Variants in ARHGAP15 observed in about 807,000 individuals in gnomAD.
The protein encoded by ARHGAP15 is rho GTPase-activating protein 15.
In ARHGAP15, 51 loss-of-function variants were observed where a neutral mutation model predicts 63.7. The observed-to-expected ratio is 0.80, with a 90% CI of 0.64 to 1.01. The LOEUF is 1.01. Among genes scored for constraint, ARHGAP15 ranks in the 50% least tolerant of loss-of-function variants. The probability of loss-of-function intolerance (pLI) is 0.00; values close to 1 mark genes in which losing one functional copy is unlikely to be tolerated. For missense variants in ARHGAP15, 560 were observed against 564.6 expected, an observed-to-expected ratio of 0.99 and a Z score of 0.08; for synonymous variants, 191 against 193.8, an observed-to-expected ratio of 0.99 and a Z score of 0.12.
chr2:143,323,437 TGACTTG>T (rs1223221392), intron 6 of ARHGAP15, among the ~76,000 whole-genome samples: 4 of 152,196 alleles, frequency 2.6e-5, no homozygotes, highest in African/African-American at 9.7e-5. Flanking sequence ...ATGTGGGAAT[TGACTTG>T]GACTTGATGA....
chr2:143,334,597 G>A (rs1684692057), intron 6 of ARHGAP15, among the ~76,000 whole-genome samples: 1 of 152,112 alleles, frequency 6.6e-6, no homozygotes, highest in South Asian at 2.1e-4. Flanking sequence ...AAACTGCAGT[G>A]AAAAATAATC....
intron 8 of ARHGAP15, among the ~76,000 whole-genome samples, chr2:143,449,141 G>A (rs1304134219): frequency 6.6e-6 from 1 of 151,950 alleles, no homozygotes. Context: ...ACTTTTGCCT[G>A]TGCCACACCT....
intron 10 of ARHGAP15, chr2:143,533,364 T>G (rs1694605618): frequency 6.6e-6 from 1 of 152,178 alleles, no homozygotes; most frequent in Non-Finnish European, 1.5e-5. Flanking sequence ...AGGAGAACAG[T>G]GCATTCGCAT....
chr2:143,754,151 G>A (rs1361339363), intron 13 of ARHGAP15, among the ~76,000 whole-genome samples: 1 of 152,138 alleles, frequency 6.6e-6, no homozygotes, highest in Non-Finnish European at 1.5e-5. Context: ...AGTTCTGGAG[G>A]GCTATGTAAA....
At chr2:143,153,840 T>TTCTTCTTCTTCTTCC (rs1558779595) in intron 1 of ARHGAP15, among the ~76,000 whole-genome samples, 29 of 78,410 alleles carry the variant, frequency 3.7e-4, no homozygotes, top group South Asian at 3.2e-3. Context: ...CTTCTTCTTC[T>TTCTTCTTCTTCTTCC]TCTTCCTCCT....
In ARHGAP15 at chr2:143,386,576, C is replaced by A. The variant is rs141050577; in HGVS notation, c.475-49025C>A. Reference sequence around the variant, plus strand: ...GAGAAATAGACTGAAGTTAGAATACCTTTTTTCACTCACATAATAAAGGGC... The same window carrying A: ...GAGAAATAGACTGAAGTTAGAATACATTTTTTCACTCACATAATAAAGGGC... On this transcript the variant is annotated intron_variant, in intron 6 of 13. Coordinates refer to ENST00000295095, the MANE Select transcript of ARHGAP15 (RefSeq NM_018460.4). 6.6e-5 allele frequency among the ~76,000 whole-genome samples: 10 copies of A among 151,964 alleles called. 1 individual carries two copies. In the East Asian group the frequency reaches 1.7e-3, roughly 26 times the overall value.
chr2:143,449,241 C>G (rs1690285254), intron 8 of ARHGAP15, among the ~76,000 whole-genome samples: 1 of 152,052 alleles, frequency 6.6e-6, no homozygotes, highest in Non-Finnish European at 1.5e-5. Context: ...TGAGCCTAAA[C>G]TACCCTCACC....
intron 6 of ARHGAP15, among the ~76,000 whole-genome samples, chr2:143,388,533 C>G (rs1687398397): frequency 6.6e-6 from 1 of 152,078 alleles, no homozygotes; most frequent in Non-Finnish European, 1.5e-5. Flanking sequence ...AGGCTTTGGC[C>G]CTACATAAGA....
rs572690116 is a variant in ARHGAP15 at position 143,233,795 on chromosome 2, C to T, written c.384+5127C>T. On this transcript the variant is annotated intron_variant, in intron 5 of 13. Coordinates refer to ENST00000295095, the MANE Select transcript of ARHGAP15 (RefSeq NM_018460.4). ...GAGTAGCTGGGATTACAGACACGCACCACCAAGCCCGGCTAATTTTGGTAT... is the reference window on the plus strand; with the variant it reads ...GAGTAGCTGGGATTACAGACACGCATCACCAAGCCCGGCTAATTTTGGTAT... Among the ~76,000 whole-genome samples, 4 of 152,092 alleles carry T rather than the reference C, an allele frequency of 2.6e-5. No homozygotes were observed. The East Asian group carries it at 7.7e-4, about 29-fold the overall frequency.
chr2:143,187,013 G>A (rs1247679763), intron 2 of ARHGAP15, among the ~76,000 whole-genome samples: 1 of 152,006 alleles, frequency 6.6e-6, no homozygotes, highest in Non-Finnish European at 1.5e-5. Flanking sequence ...GTGGAAATAC[G>A]AAAATGTTTC....
chr2:143,184,937 T>G (rs1221133674), intron 2 of ARHGAP15, among the ~76,000 whole-genome samples: 1 of 151,786 alleles, frequency 6.6e-6, no homozygotes, highest in Non-Finnish European at 1.5e-5. Flanking sequence ...CCCTCGTTGG[T>G]TTCCCAAAGT....
At chr2:143,516,791 T>A (rs1693839669) in intron 9 of ARHGAP15, among the ~76,000 whole-genome samples, 1 of 152,232 alleles carries the variant, frequency 6.6e-6, no homozygotes, top group South Asian at 2.1e-4. Flanking sequence ...GGTTACACAG[T>A]GTTTTGAACA....
At chr2:143,642,953 A>T (rs528345114) in intron 12 of ARHGAP15, among the ~76,000 whole-genome samples, 22 of 152,264 alleles carry the variant, frequency 1.4e-4, no homozygotes, top group East Asian at 1.4e-3. Flanking sequence ...CAGTATTGTG[A>T]ATCCCTGAAA....
At chr2:143,189,192 A>G (rs950025476) in intron 2 of ARHGAP15, among the ~76,000 whole-genome samples, 2 of 152,164 alleles carry the variant, frequency 1.3e-5, no homozygotes, top group Non-Finnish European at 2.9e-5. Flanking sequence ...TACGATTCTG[A>G]TTACCAACTT....
chr2:143,224,843 A>AT (rs1476205389), intron 4 of ARHGAP15, among the ~76,000 whole-genome samples: 1 of 152,164 alleles, frequency 6.6e-6, no homozygotes, highest in African/African-American at 2.4e-5. Context: ...GGGCAACACA[A>AT]TGGGTCAGAC....
At chr2:143,385,955 G>A (rs1024691717) in intron 6 of ARHGAP15, among the ~76,000 whole-genome samples, 13 of 151,988 alleles carry the variant, frequency 8.6e-5, no homozygotes, top group African/African-American at 3.1e-4. Flanking sequence ...ACACAGTGTT[G>A]ATGCTCTGAA....
intron 6 of ARHGAP15, among the ~76,000 whole-genome samples, chr2:143,310,368 T>G (rs1160312050): frequency 6.6e-6 from 1 of 152,038 alleles, no homozygotes; most frequent in Non-Finnish European, 1.5e-5. Context: ...TATGTTATCA[T>G]GAAGATTAGA....
intron 1 of ARHGAP15, among the ~76,000 whole-genome samples, chr2:143,134,820 G>A (rs1689070550): frequency 6.6e-6 from 1 of 151,672 alleles, no homozygotes; most frequent in Non-Finnish European, 1.5e-5. Context: ...TGTATTTTTA[G>A]TAGAGTCGGG....
intron 5 of ARHGAP15, among the ~76,000 whole-genome samples, chr2:143,239,770 C>T (rs1367896102): frequency 3.9e-5 from 6 of 152,026 alleles, no homozygotes; most frequent in Non-Finnish European, 8.8e-5. Context: ...GCAGGTGGAT[C>T]ACCTGAGGTC....
Sources: allele counts gnomAD v4.1 joint callset (sites outside exome capture counted in the v4.1 genomes callset), GRCh38; gene constraint gnomAD v4.1.1; transcripts MANE v1.5; gene names NCBI Gene and HGNC (gene_info 2026-07-23, HGNC 2026-07-21).